Variants in DIP2C observed in about 807,000 individuals in gnomAD.
DIP2C encodes the protein disco-interacting protein 2 homolog C.
Under a neutral mutation model 192.4 loss-of-function variants are expected in DIP2C, and 33 were observed. That is an observed-to-expected ratio of 0.17 (90% CI 0.13 to 0.23). The LOEUF (loss-of-function observed/expected upper bound fraction) is 0.23. Ranked by LOEUF, DIP2C falls within the 10% of genes least tolerant of loss-of-function variation. The pLI, the probability that DIP2C is intolerant of heterozygous loss-of-function variation, is 1.00. For synonymous variants in DIP2C, 979 were observed against 864.1 expected (o/e 1.13, Z -2.33); for missense variants, 1,537 against 2,110.1 (o/e 0.73, Z 5.32).
Position 651,272 on chromosome 10 carries a change from C to T in DIP2C, c.85+38222G>A, listed in dbSNP as rs758528904. ...TGGGTTCCGGTCACCAGTCGGCCTCCCCCACCAACGTGGACTCCTTACAAG... is the reference window on the plus strand; with the variant it reads ...TGGGTTCCGGTCACCAGTCGGCCTCTCCCACCAACGTGGACTCCTTACAAG... On this transcript the variant is annotated intron_variant, in intron 1 of 36. Coordinates refer to ENST00000280886, the MANE Select transcript of DIP2C (RefSeq NM_014974.3). This position sits in a 1 kb window ranked among gnomAD's most constrained non-coding sequence, Gnocchi z 4.1. 1.4e-6 allele frequency: 1 copy of T among 713,698 alleles called. No individual in the cohort carries two copies. The highest frequency in any genetic ancestry group is 1.5e-5 in the South Asian group (1 of 67,528). The allele number at this position is 713,698 out of a possible 1,614,324, so 44.2% of individuals were successfully genotyped here.
chr10:603,080 G>A (rs548015177), intron 1 of DIP2C, among the ~76,000 whole-genome samples: 7 of 152,042 alleles, frequency 4.6e-5, no homozygotes, highest in Admixed American at 6.5e-5. Flanking sequence ...TAATTTGCAC[G>A]GGAAAATGCT....
At chr10:330,727 T>C (rs1957468286) in intron 29 of DIP2C, among the ~76,000 whole-genome samples, 2 of 151,648 alleles carry the variant, frequency 1.3e-5, no homozygotes, top group South Asian at 4.2e-4. Context: ...AATCCTCTCT[T>C]GTTCCTGCTG....
intron 3 of DIP2C, among the ~76,000 whole-genome samples, chr10:461,168 T>C (rs1360542691): frequency 6.6e-6 from 1 of 152,182 alleles, no homozygotes; most frequent in Non-Finnish European, 1.5e-5. Context: ...CCAGCTAGCA[T>C]CATAATGACA....
intron 4 of DIP2C, among the ~76,000 whole-genome samples, chr10:425,064 G>A (rs61837192): frequency 6.7e-4 from 60 of 89,288 alleles, no homozygotes; most frequent in African/African-American, 1.9e-3. Flanking sequence ...AATATGACAC[G>A]GATGATACAG....
At chr10:364,833 TCTGAACC>T in intron 19 of DIP2C, 1 of 631,032 alleles carries the variant, frequency 1.6e-6, no homozygotes, top group Non-Finnish European at 2.9e-6. Context: ...GCCTCCTGCC[TCTGAACC>T]CTGAACAGAT....
intron 1 of DIP2C, among the ~76,000 whole-genome samples, chr10:671,323 CCA>C (rs1830622801): frequency 6.6e-6 from 1 of 151,422 alleles, no homozygotes; most frequent in Non-Finnish European, 1.5e-5. Context: ...GGAGGAAACG[CCA>C]CAGACGCACG....
chr10:486,966 G>A (rs1844061450), intron 1 of DIP2C, among the ~76,000 whole-genome samples: 1 of 152,194 alleles, frequency 6.6e-6, no homozygotes, highest in Non-Finnish European at 1.5e-5. Flanking sequence ...AACCAAGCAG[G>A]TCGGTCACAA....
intron 1 of DIP2C, among the ~76,000 whole-genome samples, chr10:528,301 GC>G (rs1388582211): frequency 1.3e-5 from 2 of 151,752 alleles, no homozygotes; most frequent in Non-Finnish European, 2.9e-5. Flanking sequence ...ACTGCCTGCT[GC>G]CCACCCAGAA....
chr10:414,013 C>G lies in DIP2C; in HGVS notation c.957G>C (p.Ser319=). 1 of 1,614,092 alleles carries G rather than the reference C, an allele frequency of 6.2e-7. No homozygotes were observed. The highest frequency in any genetic ancestry group is 8.5e-7 in the Non-Finnish European group (1 of 1,179,988). The change falls in exon 8 of 37, where the codon TCG becomes TCC. Residue 319 remains serine (S), a synonymous_variant. Coordinates refer to ENST00000280886, the MANE Select transcript of DIP2C (RefSeq NM_014974.3). ...CCCACCTCTGCAGTGCGGCCTCCAG[C>G]GACGGCGGCCAGTTCGTGACCACGC... The part of the protein sequence containing the change: ...QLGVVTNWPP[S]LEAALQRWGT...
chr10:566,651 C>A (rs938195946), intron 1 of DIP2C, among the ~76,000 whole-genome samples: 1 of 152,270 alleles, frequency 6.6e-6, no homozygotes, highest in Non-Finnish European at 1.5e-5. Flanking sequence ...TTCATAGCAA[C>A]CCCTGGCCAA....
At chr10:581,216 T>A (rs1850631915) in intron 1 of DIP2C, among the ~76,000 whole-genome samples, 1 of 152,188 alleles carries the variant, frequency 6.6e-6, no homozygotes, top group Non-Finnish European at 1.5e-5. Context: ...CTTGTTTCCC[T>A]TTCTTGAATT....
At position 369,621 on chromosome 10, in the gene DIP2C, G is replaced by A; in HGVS notation, c.2004C>T (p.Asp668=). ...LTVAIRRPTD[D]SNQPPGRGVL... is the part of the protein sequence containing the mutation. ...CACCCCGGCCCGGGGGCTGGTTACT[G>A]TCATCCGTGGGCCTGTAATGACAGT... Residue 668 remains aspartate (D), a synonymous_variant, in exon 18 of 37, where the codon GAC becomes GAT. Coordinates refer to ENST00000280886, the MANE Select transcript of DIP2C (RefSeq NM_014974.3). The A allele has an allele frequency of 1.9e-6, 3 of 1,614,084 alleles. No individual in the cohort carries two copies. Among genetic ancestry groups the A allele is most frequent in the South Asian group, 1.1e-5 (1 of 91,044 alleles).
chr10:657,850 C>T (rs1347226700), intron 1 of DIP2C, among the ~76,000 whole-genome samples: 9 of 146,182 alleles, frequency 6.2e-5, no homozygotes, highest in South Asian at 2.2e-4. Context: ...CCTGGACCTG[C>T]CGCTGGACCT....
chr10:335,405 C>T (rs1468483042), intron 29 of DIP2C, among the ~76,000 whole-genome samples: 3 of 152,226 alleles, frequency 2.0e-5, no homozygotes, highest in Non-Finnish European at 2.9e-5. Flanking sequence ...AGAAAACCAA[C>T]GCATTCCTCC....
intron 1 of DIP2C, among the ~76,000 whole-genome samples, chr10:622,427 C>T (rs1853930973): frequency 6.8e-6 from 1 of 147,352 alleles, no homozygotes; most frequent in Non-Finnish European, 1.5e-5. Context: ...AGGCATGTTC[C>T]ATCCACCAAA....
At chr10:516,915 A>C (rs1846401351) in intron 1 of DIP2C, among the ~76,000 whole-genome samples, 1 of 147,314 alleles carries the variant, frequency 6.8e-6, no homozygotes, top group Admixed American at 6.7e-5. Context: ...GCTCAGGATG[A>C]ACCCAGTTTC....
chr10:661,976 G>A (rs1279533366), intron 1 of DIP2C: 5 of 707,544 alleles, frequency 7.1e-6, no homozygotes, highest in African/African-American at 3.5e-5. Flanking sequence ...GAATCGCTCA[G>A]CTCACTGGCT....
intron 1 of DIP2C, among the ~76,000 whole-genome samples, chr10:624,933 G>A (rs1316229422): frequency 2.6e-5 from 4 of 152,132 alleles, no homozygotes; most frequent in Non-Finnish European, 5.9e-5. Context: ...CGAGGGAGGC[G>A]CTCGGTGCCC....
intron 1 of DIP2C, among the ~76,000 whole-genome samples, chr10:657,696 A>C (rs111170462): frequency 0.016 from 484 of 30,500 alleles, no homozygotes; most frequent in East Asian, 0.023. Context: ...TGGACCTGAC[A>C]CTGGACCTGC....
Sources: allele counts gnomAD v4.1 joint callset (sites outside exome capture counted in the v4.1 genomes callset), GRCh38; gene constraint gnomAD v4.1.1; non-coding constraint Gnocchi (gnomAD v3.1); transcripts MANE v1.5; gene names NCBI Gene and HGNC (gene_info 2026-07-23, HGNC 2026-07-21).